The following CRPPA variants were observed in gnomAD, a reference collection of about 807,000 sequenced individuals.
CRPPA encodes CDP-L-ribitol pyrophosphorylase A.
A neutral mutation model predicts 52.0 loss-of-function variants in CRPPA; 43 were observed. The ratio of observed to expected loss-of-function variants is 0.83; its 90% CI spans 0.65 to 1.07. CRPPA has a LOEUF of 1.07. Ranked by LOEUF, CRPPA falls within the 50% of genes least tolerant of loss-of-function variation. CRPPA has a pLI of 0.00. For synonymous variants in CRPPA, 250 were observed against 203.5 expected (o/e 1.23, Z -1.94); for missense variants, 629 against 551.7 (o/e 1.14, Z -1.40).
At chr7:16,103,568 T>A (rs1782091610) in intron 9 of CRPPA, among the ~76,000 whole-genome samples, 1 of 152,120 alleles carries the variant, frequency 6.6e-6, no homozygotes, top group Non-Finnish European at 1.5e-5. Context: ...TGTCAAAAAC[T>A]AGGAATTTGT....
chr7:16,292,765 C>G (rs1784589651), intron 5 of CRPPA, among the ~76,000 whole-genome samples: 2 of 151,848 alleles, frequency 1.3e-5, no homozygotes, highest in African/African-American at 2.4e-5. Context: ...CAGTGTTATT[C>G]TAACTAAAAT....
chr7:16,350,611 C>T (rs1322671489), intron 3 of CRPPA, among the ~76,000 whole-genome samples: 1 of 151,958 alleles, frequency 6.6e-6, no homozygotes, highest in Non-Finnish European at 1.5e-5. Context: ...CATAGATATA[C>T]AAATGATTTT....
At chr7:16,321,688 C>A (rs1785268808) in intron 3 of CRPPA, among the ~76,000 whole-genome samples, 1 of 152,084 alleles carries the variant, frequency 6.6e-6, no homozygotes, top group Non-Finnish European at 1.5e-5. Context: ...AAGAGTAGGT[C>A]TGTTGGTTAG....
At position 16,278,503 on chromosome 7, in the gene CRPPA, G is replaced by C. The variant is rs57952940; in HGVS notation, c.836-277C>G. On this transcript the variant is annotated intron_variant, in intron 5 of 9. Transcript: ENST00000407010. ...GATATTTTAGGATGCATTCGGAAGG[G>C]AGTAGAGGTGACAACCATTTGAAGT... Among the ~76,000 whole-genome samples, 850 of 152,324 alleles carry C rather than the reference G, an allele frequency of 5.6e-3. 5 individuals carry two copies. Among genetic ancestry groups the C allele is most frequent in the African/African-American group, 0.019 (784 of 41,564 alleles).
chr7:16,383,173 G>A (rs1787158796), intron 2 of CRPPA, among the ~76,000 whole-genome samples: 1 of 152,150 alleles, frequency 6.6e-6, no homozygotes, highest in Admixed American at 6.5e-5. Flanking sequence ...GGTTTTTGGT[G>A]TGGATGTCCT....
chr7:16,351,359 T>C (rs1041470627), intron 3 of CRPPA, among the ~76,000 whole-genome samples: 8 of 152,096 alleles, frequency 5.3e-5, no homozygotes, highest in African/African-American at 1.2e-4. Context: ...GGCAAAGACT[T>C]CATGACTAAA....
chr7:16,419,228 C>T (rs1472710306), intron 1 of CRPPA, among the ~76,000 whole-genome samples: 3 of 152,228 alleles, frequency 2.0e-5, no homozygotes, highest in Non-Finnish European at 2.9e-5. Context: ...ATTTTCCAAA[C>T]TCCAATATTC....
At chr7:16,315,242 C>G (rs928900496) in intron 3 of CRPPA, among the ~76,000 whole-genome samples, 9 of 152,140 alleles carry the variant, frequency 5.9e-5, no homozygotes, top group Non-Finnish European at 1.3e-4. Flanking sequence ...CATCTCTCTG[C>G]TTACACTGCC....
chr7:16,415,135 T>C (rs945066445), intron 1 of CRPPA, among the ~76,000 whole-genome samples: 14 of 152,232 alleles, frequency 9.2e-5, no homozygotes, highest in Non-Finnish European at 1.5e-4. Context: ...TAAGTAGTTT[T>C]CTAAGCAGTT....
intron 9 of CRPPA, among the ~76,000 whole-genome samples, chr7:16,208,286 C>T (rs1229031682): frequency 6.6e-6 from 1 of 152,118 alleles, no homozygotes; most frequent in Non-Finnish European, 1.5e-5. Flanking sequence ...TTAAAAATAA[C>T]TTATACCTCT....
intron 9 of CRPPA, among the ~76,000 whole-genome samples, chr7:16,212,342 T>C (rs1782172046): frequency 6.6e-6 from 1 of 152,138 alleles, no homozygotes; most frequent in South Asian, 2.1e-4. Context: ...GAAATGACAG[T>C]TTAGTGGGGA....
At chr7:16,098,792 A>C (rs1384711109) in intron 9 of CRPPA, among the ~76,000 whole-genome samples, 1 of 152,208 alleles carries the variant, frequency 6.6e-6, no homozygotes, top group Non-Finnish European at 1.5e-5. Flanking sequence ...AGTGGAGATG[A>C]AAATAACTTT....
At position 16,278,255 on chromosome 7, in the gene CRPPA, T is replaced by G. The variant is rs777196663; in HGVS notation, c.836-29A>C. On this transcript the variant is annotated intron_variant, in intron 5 of 9. Coordinates refer to ENST00000407010, the MANE Select transcript of CRPPA (RefSeq NM_001101426.4). ...AAATTAAAAAAAAAAAGTTTTAAGT[T>G]TCAAACAAAACATGTAACAAGGCCC... 26 of 1,197,668 alleles carry G rather than the reference T, an allele frequency of 2.2e-5. No individual in the cohort carries two copies. In the Admixed American group the frequency reaches 4.7e-4, roughly 22 times the overall value. 74.2% of individuals were successfully genotyped at this position (1,197,668 alleles called of 1,614,324 possible). A position where few individuals can be genotyped will look rare whatever the true frequency, so the allele number is the denominator to read the frequency against.
intron 3 of CRPPA, among the ~76,000 whole-genome samples, chr7:16,341,930 T>G (rs1449831348): frequency 3.3e-5 from 5 of 152,174 alleles, no homozygotes; most frequent in African/African-American, 1.2e-4. Flanking sequence ...AGTCATTTCT[T>G]CCCTCCTTCC....
intron 9 of CRPPA, among the ~76,000 whole-genome samples, chr7:16,214,613 T>C (rs1002330396): frequency 6.6e-6 from 1 of 152,108 alleles, no homozygotes; most frequent in Non-Finnish European, 1.5e-5. Context: ...CAAGTGATTC[T>C]CCCACCTCAG....
intron 9 of CRPPA, among the ~76,000 whole-genome samples, chr7:16,158,532 T>C (rs1783235573): frequency 6.6e-6 from 1 of 152,176 alleles, no homozygotes; most frequent in South Asian, 2.1e-4. Context: ...TACACAATTT[T>C]ACACTAGTAT....
intron 9 of CRPPA, among the ~76,000 whole-genome samples, chr7:16,117,041 C>T (rs1782389755): frequency 6.6e-6 from 1 of 152,164 alleles, no homozygotes; most frequent in African/African-American, 2.4e-5. Context: ...AGAGCTCTCT[C>T]AGACCTGGGC....
intron 8 of CRPPA, among the ~76,000 whole-genome samples, chr7:16,247,398 G>T (rs558015887): frequency 6.6e-6 from 1 of 152,110 alleles, no homozygotes; most frequent in Non-Finnish European, 1.5e-5. Flanking sequence ...AGGGAATAGG[G>T]AATCTCAAAG....
chr7:16,403,104 A>C (rs1410398536), intron 2 of CRPPA, among the ~76,000 whole-genome samples: 1 of 152,144 alleles, frequency 6.6e-6, no homozygotes, highest in Non-Finnish European at 1.5e-5. Flanking sequence ...AAGCCAGGAG[A>C]CAGTGACATA....
Sources: allele counts gnomAD v4.1 joint callset (sites outside exome capture counted in the v4.1 genomes callset), GRCh38; gene constraint gnomAD v4.1.1; transcripts MANE v1.5; gene names NCBI Gene and HGNC (gene_info 2026-07-23, HGNC 2026-07-21).